The following FGD2 variants were observed in gnomAD, a reference collection of about 807,000 sequenced individuals.
FGD2 encodes the protein FYVE, RhoGEF and PH domain containing 2, also known as FYVE, RhoGEF and PH domain-containing protein 2.
In FGD2, 52 loss-of-function variants were observed where a neutral mutation model predicts 75.9. That is an observed-to-expected ratio of 0.69 (90% CI 0.55 to 0.86). The LOEUF (loss-of-function observed/expected upper bound fraction) is 0.86. FGD2 is among the 40% of genes least tolerant of loss of function. The pLI, the probability that FGD2 is intolerant of heterozygous loss-of-function variation, is 0.00. For synonymous variants in FGD2, 347 were observed against 348.6 expected (o/e 1.00, Z 0.05); for missense variants, 790 against 872.0 (o/e 0.91, Z 1.18).
At position 37,027,980 on chromosome 6, in the gene FGD2, G is replaced by A; in HGVS notation, c.1785G>A (p.Leu595=). The A allele has an allele frequency of 6.2e-7, 1 of 1,614,054 alleles. No individual in the cohort carries two copies. The change falls in exon 16 of 16, where the codon CTG becomes CTA. Residue 595 remains leucine, a synonymous_variant. Coordinates refer to ENST00000274963, the MANE Select transcript of FGD2 (RefSeq NM_173558.4). ...GGGCTCACACCTCCATCCCCCTGCT[G>A]GGCTACCAGGTGACTGTTGGGCCCC... The part of the protein sequence containing the change: ...DMRAHTSIPL[L]GYQVTVGPQG...
At position 37,011,618 on chromosome 6, in the gene FGD2, G is replaced by C. The variant is rs1025703717; in HGVS notation, c.379-88G>C. 5.6e-5 allele frequency: 87 copies of C among 1,564,030 alleles called. No individual in the cohort carries two copies. In the East Asian group the frequency reaches 1.6e-3, roughly 28 times the overall value. On this transcript the variant is annotated intron_variant, in intron 3 of 15. Coordinates refer to ENST00000274963, the MANE Select transcript of FGD2 (RefSeq NM_173558.4). ...GAGATCAGGGAGGTGGAAGCATGCA[G>C]TAGGCTTGGTGGGACCCTAGTTCCC...
Position 37,014,876 on chromosome 6 carries a change from C to T in FGD2, c.883-16C>T. ...CCCTGCCCAGACTTGGCTGAGGATG[C>T]ACCCCAACCCCCTAGGAGCGGCTGC... is the stretch of plus-strand genomic sequence containing the variant. On this transcript the variant is annotated splice_polypyrimidine_tract_variant and intron_variant, in intron 7 of 15. Transcript: ENST00000274963. 1 of 1,611,876 alleles carries T rather than the reference C, an allele frequency of 6.2e-7. No homozygotes were observed. The highest frequency in any genetic ancestry group is 8.5e-7 in the Non-Finnish European group (1 of 1,178,850).
rs1305308414 is a variant in FGD2, at chr6:37,013,737, T to C, written c.656T>C (p.Leu219Pro). 4 of 1,613,864 alleles carry C rather than the reference T, an allele frequency of 2.5e-6. No individual in the cohort carries two copies. Among genetic ancestry groups the C allele is most frequent in the Non-Finnish European group, 2.5e-6 (3 of 1,179,958 alleles). Residue 219 changes from leucine to proline, a missense_variant, in exon 5 of 16, where the codon CTC becomes CCC. Physicochemically the swap from Leu to Pro is moderately conservative, Grantham distance 98. Coordinates refer to ENST00000274963, the MANE Select transcript of FGD2 (RefSeq NM_173558.4). ...LLATWTDKSP[L>P]FQEVLTRIQS... ...GCCACCTGGACCGACAAGTCTCCACTCTTCCAGGAGGTTCTCACTCGCATC... is the reference window on the plus strand; with the variant it reads ...GCCACCTGGACCGACAAGTCTCCACCCTTCCAGGAGGTTCTCACTCGCATC...
chr6:37,009,999 G>T (rs2150768353), intron 2 of FGD2: 1 of 144,610 alleles, frequency 6.9e-6, no homozygotes, highest in South Asian at 2.2e-4. Context: ...GGGTGACAGA[G>T]CGAGACTCTG....
intron 14 of FGD2, chr6:37,026,165 G>T (rs1254066218): frequency 2.0e-6 from 2 of 985,310 alleles, no homozygotes; most frequent in South Asian, 4.7e-5. Context: ...GCTGCAGGCT[G>T]TCGTCCACAT....
At chr6:37,017,246 C>T (rs2150776668) in intron 9 of FGD2, among the ~76,000 whole-genome samples, 1 of 152,336 alleles carries the variant, frequency 6.6e-6, no homozygotes, top group South Asian at 2.1e-4. Context: ...TGCTGAGAGA[C>T]ACTTAGATTG....
In FGD2 at chr6:37,012,409, G is replaced by GT. The variant is rs201181886; in HGVS notation, c.527+564dup. On this transcript the variant is annotated intron_variant, in intron 4 of 15. Transcript: ENST00000274963. Reference sequence around the variant, plus strand: ...CTTAAAACATTTATAATAAACTGTTGTTTTTTTTTAAGATAATAATAGCCA... The same window carrying GT: ...CTTAAAACATTTATAATAAACTGTTGTTTTTTTTTTAAGATAATAATAGCCA... Among the ~76,000 whole-genome samples, 1,131 of 151,404 alleles carry GT rather than the reference G, an allele frequency of 7.5e-3. 16 individuals carry two copies. The highest frequency in any genetic ancestry group is 0.025 in the African/African-American group (1,022 of 41,220).
intron 12 of FGD2, 118 bp downstream of exon 12, chr6:37,021,722 T>G: frequency 1.1e-6 from 1 of 947,284 alleles, no homozygotes; most frequent in Non-Finnish European, 1.6e-6. Flanking sequence ...CAGGAGAGAC[T>G]GAAGGGACCA....
In FGD2 at chr6:37,013,780, G is replaced by A; in HGVS notation, c.684+15G>A. 3.7e-6 allele frequency: 6 copies of A among 1,613,250 alleles called. No homozygotes were observed. Among genetic ancestry groups the A allele is most frequent in the Non-Finnish European group, 5.1e-6 (6 of 1,179,572 alleles). ...CTCGCATCCAGGTGAGGCTGGGGGA[G>A]GGCTGGAGTCAGCATTGCCACTCCC... is the stretch of plus-strand genomic sequence containing the variant. On this transcript the variant is annotated intron_variant, in intron 5 of 15. Transcript: ENST00000274963.
chr6:37,006,614 G>C (rs1467589971), intron 1 of FGD2, among the ~76,000 whole-genome samples: 2 of 152,098 alleles, frequency 1.3e-5, no homozygotes, highest in African/African-American at 4.8e-5. Flanking sequence ...GTTTGTGTGT[G>C]TGCGCGTGTG....
Position 37,013,976 on chromosome 6 carries a change from G to C in FGD2, c.699G>C (p.Ser233=). The C allele has an allele frequency of 6.2e-7, 1 of 1,613,662 alleles. No homozygotes were observed. The highest frequency in any genetic ancestry group is 8.5e-7 in the Non-Finnish European group (1 of 1,179,778). ...VLTRIQSSEA[S]GSLTLQHHML... ...CCCTCCCCAAGAGCAGCGAGGCTTCGGGCAGCCTGACCCTGCAGCACCACA... is the reference window on the plus strand; with the variant it reads ...CCCTCCCCAAGAGCAGCGAGGCTTCCGGCAGCCTGACCCTGCAGCACCACA... The change falls in exon 6 of 16, where the codon TCG becomes TCC. Residue 233 remains serine (S), a synonymous_variant. Coordinates refer to ENST00000274963, the MANE Select transcript of FGD2 (RefSeq NM_173558.4).
Position 37,027,489 on chromosome 6 carries a change from G to T in FGD2, c.1666G>T (p.Asp556Tyr). ...LMCSFLQLIGDKWGKSGPRGW... is the reference protein window; with the variant it reads ...LMCSFLQLIGYKWGKSGPRGW... ...GTGCAGCTTCCTGCAGCTCATCGGGGACAAGTGGGGCAAGAGCGGCCCCCG... is the reference window on the plus strand; with the variant it reads ...GTGCAGCTTCCTGCAGCTCATCGGGTACAAGTGGGGCAAGAGCGGCCCCCG... The change falls in exon 15 of 16, where the codon GAC becomes TAC. Residue 556 changes from aspartate to tyrosine, a missense_variant. Coordinates refer to ENST00000274963, the MANE Select transcript of FGD2 (RefSeq NM_173558.4). The T allele has an allele frequency of 1.2e-6, 2 of 1,614,064 alleles. No individual in the cohort carries two copies. The highest frequency in any genetic ancestry group is 1.7e-6 in the Non-Finnish European group (2 of 1,179,948).
chr6:37,011,665 T>C, intron 3 of FGD2, 41 bp from the exon 4 acceptor site: 1 of 1,612,656 alleles, frequency 6.2e-7, no homozygotes, highest in South Asian at 1.1e-5. Context: ...TGTGGGTGGC[T>C]CCCTGTCACT....
intron 9 of FGD2, among the ~76,000 whole-genome samples, chr6:37,018,506 G>A (rs1211665139): frequency 6.6e-6 from 1 of 152,180 alleles, no homozygotes; most frequent in East Asian, 1.9e-4. Context: ...TCCTTCCTAG[G>A]TGTCAGGGAG....
intron 1 of FGD2, among the ~76,000 whole-genome samples, chr6:37,007,403 C>A (rs1764805413): frequency 6.6e-6 from 1 of 152,212 alleles, no homozygotes; most frequent in South Asian, 2.1e-4. Flanking sequence ...TTGGGTGCCG[C>A]CTTCCTGGCC....
At chr6:37,012,694 A>G (rs1489520514) in intron 4 of FGD2, among the ~76,000 whole-genome samples, 1 of 150,370 alleles carries the variant, frequency 6.7e-6, no homozygotes. Flanking sequence ...CCTGGGTGAC[A>G]GAGAGAGACC....
At chr6:37,015,994 A>G in intron 9 of FGD2, 134 bp downstream of exon 9, 1 of 796,146 alleles carries the variant, frequency 1.3e-6, no homozygotes, top group Non-Finnish European at 2.0e-6. Context: ...ATGGAGATGG[A>G]AGAGTGTGGG....
intron 6 of FGD2, 111 bp from the exon 7 acceptor site, chr6:37,014,535 G>A: frequency 8.2e-7 from 1 of 1,222,146 alleles, no homozygotes; most frequent in Non-Finnish European, 1.1e-6. Context: ...GGCTGCTCCT[G>A]GGGGCTGTCA....
Position 37,020,702 on chromosome 6 carries a change from C to T in FGD2, c.1203-7C>T, listed in dbSNP as rs749795960. 33 of 1,574,728 alleles carry T rather than the reference C, an allele frequency of 2.1e-5. No individual in the cohort carries two copies. Among genetic ancestry groups the T allele is most frequent in the East Asian group, 4.6e-5 (2 of 43,120 alleles). ...CTCCTCAACACCTGTGTTCACTTTC[C>T]GAGCAGGTCCCAGGAGGAAATGATT... is the stretch of plus-strand genomic sequence containing the variant. On this transcript the variant is annotated splice_polypyrimidine_tract_variant and splice_region_variant and intron_variant, in intron 10 of 15. Transcript: ENST00000274963.
Sources: gnomAD v4.1 joint callset for allele counts (sites outside exome capture counted in the v4.1 genomes callset) on GRCh38, gnomAD v4.1.1 for gene constraint, MANE v1.5 for transcripts, NCBI Gene and HGNC (gene_info 2026-07-23, HGNC 2026-07-21) for gene names.